Variants in PIK3C2G observed in about 807,000 individuals in gnomAD.
PIK3C2G encodes phosphatidylinositol 3-kinase C2 domain-containing subunit gamma.
A neutral mutation model predicts 181.1 loss-of-function variants in PIK3C2G; 168 were observed. That is an observed-to-expected ratio of 0.93 (90% CI 0.82 to 1.05). The LOEUF is 1.05. Ranked by LOEUF, PIK3C2G falls within the 50% of genes least tolerant of loss-of-function variation. The pLI, the probability that PIK3C2G is intolerant of heterozygous loss-of-function variation, is 0.00. For synonymous variants in PIK3C2G, 573 were observed against 592.2 expected (o/e 0.97, Z 0.47); for missense variants, 1,869 against 1,732.8 (o/e 1.08, Z -1.40).
At chr12:18,473,485 CAT>C (rs781705996) in intron 18 of PIK3C2G, among the ~76,000 whole-genome samples, 3 of 152,260 alleles carry the variant, frequency 2.0e-5, no homozygotes. Context: ...GGCTGGTGCT[CAT>C]GTCTGCTACT....
At chr12:18,603,590 C>T (rs998060583) in intron 30 of PIK3C2G, among the ~76,000 whole-genome samples, 2 of 152,002 alleles carry the variant, frequency 1.3e-5, no homozygotes, top group African/African-American at 4.8e-5. Context: ...CAAATTAAGA[C>T]AAGGGAAAGA....
chr12:18,643,912 C>A (rs1949979022), intron 32 of PIK3C2G, among the ~76,000 whole-genome samples: 1 of 152,132 alleles, frequency 6.6e-6, no homozygotes, highest in Non-Finnish European at 1.5e-5. Flanking sequence ...AGAGGATGAC[C>A]TCACTCTCCT....
chr12:18,700,113 C>CA, the PIK3C2G span, among the ~76,000 whole-genome samples: 38 of 151,582 alleles, frequency 2.5e-4, no homozygotes, highest in Non-Finnish European at 4.6e-4. Flanking sequence ...TTTTTGGGAA[C>CA]AAAAAAATAT....
intron 12 of PIK3C2G, among the ~76,000 whole-genome samples, chr12:18,365,584 T>G (rs1941583205): frequency 6.6e-6 from 1 of 152,194 alleles, no homozygotes; most frequent in Admixed American, 6.5e-5. Context: ...GGCTGACTCT[T>G]ACCTCACTGG....
chr12:18,341,745 C>G (rs1939162755), intron 9 of PIK3C2G, among the ~76,000 whole-genome samples: 1 of 152,174 alleles, frequency 6.6e-6, no homozygotes, highest in South Asian at 2.1e-4. Context: ...CCAAAGCAGT[C>G]TATCCACCCA....
At chr12:18,598,485 T>G (rs909895705) in intron 30 of PIK3C2G, among the ~76,000 whole-genome samples, 2 of 151,762 alleles carry the variant, frequency 1.3e-5, no homozygotes, top group East Asian at 3.9e-4. Context: ...TTACACCTTA[T>G]ACAAAAATCA....
At chr12:18,561,583 A>C (rs1175828265) in intron 26 of PIK3C2G, among the ~76,000 whole-genome samples, 1 of 152,230 alleles carries the variant, frequency 6.6e-6, no homozygotes, top group Non-Finnish European at 1.5e-5. Flanking sequence ...GTAATATCAC[A>C]AGTCAGATAC....
intron 24 of PIK3C2G, among the ~76,000 whole-genome samples, chr12:18,532,563 T>C (rs1470178739): frequency 6.6e-6 from 1 of 152,212 alleles, no homozygotes; most frequent in Non-Finnish European, 1.5e-5. Context: ...GTATCATCGG[T>C]TCAAGAGGCT....
chr12:18,343,424 T>C (rs1388453417), intron 10 of PIK3C2G, 64 bp downstream of exon 10: 1 of 857,390 alleles, frequency 1.2e-6, no homozygotes, highest in African/African-American at 1.7e-5. Flanking sequence ...GAATCCAAAA[T>C]ACTTTTTTCA....
intron 22 of PIK3C2G, 76 bp downstream of exon 22, chr12:18,497,824 T>C (rs1436559424): frequency 8.9e-7 from 1 of 1,118,786 alleles, no homozygotes; most frequent in Non-Finnish European, 1.2e-6. Flanking sequence ...TACGAAACTT[T>C]CTCCAGCTTT....
intron 16 of PIK3C2G, among the ~76,000 whole-genome samples, chr12:18,410,034 A>C (rs574625169): frequency 1.3e-5 from 2 of 152,252 alleles, no homozygotes; most frequent in South Asian, 4.1e-4. Context: ...ACCTCCCACA[A>C]GGCCCTACCT....
At chr12:18,450,178 G>A (rs1173646924) in intron 18 of PIK3C2G, among the ~76,000 whole-genome samples, 1 of 152,190 alleles carries the variant, frequency 6.6e-6, no homozygotes, top group Non-Finnish European at 1.5e-5. Context: ...CCGGACTGCA[G>A]TGCAATGGCA....
chr12:18,463,771 G>C (rs1327553054), intron 18 of PIK3C2G, among the ~76,000 whole-genome samples: 3 of 152,124 alleles, frequency 2.0e-5, no homozygotes, highest in African/African-American at 7.2e-5. Flanking sequence ...TGAGGAAACT[G>C]GAGGCCAGAG....
the PIK3C2G span, among the ~76,000 whole-genome samples, chr12:18,715,099 G>A: frequency 7.0e-6 from 1 of 143,580 alleles, no homozygotes; most frequent in Admixed American, 7.3e-5. Context: ...GCTGAGAACA[G>A]ATAAAACAAT....
the PIK3C2G span, among the ~76,000 whole-genome samples, chr12:18,696,584 G>C: frequency 2.0e-5 from 3 of 151,564 alleles, no homozygotes; most frequent in Non-Finnish European, 4.4e-5. Flanking sequence ...TTTGTTGTAA[G>C]AATACATAAA....
At chr12:18,372,995 A>C (rs1051663152) in intron 13 of PIK3C2G, among the ~76,000 whole-genome samples, 3 of 152,200 alleles carry the variant, frequency 2.0e-5, no homozygotes, top group African/African-American at 7.2e-5. Flanking sequence ...ACAATTACAC[A>C]ATAAGGATTT....
chr12:18,520,437 T>C (rs2136178775), intron 24 of PIK3C2G, among the ~76,000 whole-genome samples: 1 of 152,182 alleles, frequency 6.6e-6, no homozygotes, highest in African/African-American at 2.4e-5. Context: ...TTTTCTCTAA[T>C]CTCGTCTGCC....
chr12:18,683,210 G>A, the PIK3C2G span: 1 of 1,589,240 alleles, frequency 6.3e-7, no homozygotes, highest in African/African-American at 1.3e-5. Context: ...GCGATGCATA[G>A]CTAATGATAT....
intron 18 of PIK3C2G, among the ~76,000 whole-genome samples, chr12:18,449,272 T>A (rs868128212): frequency 1.3e-5 from 2 of 152,166 alleles, no homozygotes; most frequent in South Asian, 4.1e-4. Context: ...AACTCTTTTT[T>A]ATTTTTATTA....
Sources: allele counts gnomAD v4.1 joint callset (sites outside exome capture counted in the v4.1 genomes callset), GRCh38; gene constraint gnomAD v4.1.1; transcripts MANE v1.5; gene names NCBI Gene and HGNC (gene_info 2026-07-23, HGNC 2026-07-21).